The following XKR6 variants were observed in gnomAD, a reference collection of about 807,000 sequenced individuals.
XKR6 encodes XK-related protein 6.
Under a neutral mutation model 56.7 loss-of-function variants are expected in XKR6, and 22 were observed. That is an observed-to-expected ratio of 0.39 (90% CI 0.28 to 0.55). The LOEUF is 0.55. XKR6 is among the 20% of genes least tolerant of loss of function. XKR6 has a pLI of 0.66. For missense variants in XKR6, 852 were observed against 889.0 expected (o/e 0.96, Z 0.53); for synonymous variants, 524 against 387.8 (o/e 1.35, Z -4.13).
rs539457761 is a variant in XKR6, at chr8:11,009,383, TG to T, written c.765-84554del. Among the ~76,000 whole-genome samples the T allele has an allele frequency of 2.0e-3, 301 of 152,252 alleles. 1 individual carries two copies. The highest frequency in any genetic ancestry group is 6.6e-3 in the African/African-American group (273 of 41,562). On this transcript the variant is annotated intron_variant, in intron 1 of 2. Transcript: ENST00000416569. ...AAAATTAGTCAGACATGGTGGTGTG[TG>T]CCTGTAGTCCCAGCTACTTGGGAGG...
At chr8:11,049,936 AC>A (rs1799503417) in intron 1 of XKR6, among the ~76,000 whole-genome samples, 1 of 152,120 alleles carries the variant, frequency 6.6e-6, no homozygotes, top group African/African-American at 2.4e-5. Flanking sequence ...GCCTCAATTT[AC>A]CATTGCAAAA....
intron 1 of XKR6, among the ~76,000 whole-genome samples, chr8:10,951,299 G>GTGT (rs762396240): frequency 6.5e-4 from 77 of 117,580 alleles, no homozygotes; most frequent in African/African-American, 2.4e-3. Context: ...GTGTGTGTGT[G>GTGT]GGGGGGGGGG....
intron 1 of XKR6, among the ~76,000 whole-genome samples, chr8:11,175,831 C>G (rs189957302): frequency 2.0e-5 from 3 of 152,318 alleles, no homozygotes; most frequent in African/African-American, 7.2e-5. Context: ...CGTCCGTCAA[C>G]AGTCCCCAAG....
chr8:11,053,349 T>C (rs1221727047), intron 1 of XKR6, among the ~76,000 whole-genome samples: 1 of 152,170 alleles, frequency 6.6e-6, no homozygotes, highest in Non-Finnish European at 1.5e-5. Context: ...CCATCTCCCG[T>C]GAGCGGCCTG....
intron 1 of XKR6, among the ~76,000 whole-genome samples, chr8:11,171,357 G>A (rs1278426634): frequency 1.3e-5 from 2 of 152,236 alleles, no homozygotes; most frequent in African/African-American, 4.8e-5. Flanking sequence ...AATTACCAGA[G>A]ATTAAGAGTT....
At chr8:10,997,040 A>G (rs1432426833) in intron 1 of XKR6, among the ~76,000 whole-genome samples, 1 of 152,166 alleles carries the variant, frequency 6.6e-6, no homozygotes, top group Non-Finnish European at 1.5e-5. Flanking sequence ...ATCAACAAAC[A>G]CACACACATG....
At chr8:11,167,326 A>G (rs921299578) in intron 1 of XKR6, among the ~76,000 whole-genome samples, 26 of 152,218 alleles carry the variant, frequency 1.7e-4, no homozygotes, top group African/African-American at 6.0e-4. Flanking sequence ...ATGGCAGCCC[A>G]TATTCCAAGA....
intron 1 of XKR6, among the ~76,000 whole-genome samples, chr8:11,126,672 C>A (rs1799814665): frequency 6.6e-6 from 1 of 152,122 alleles, no homozygotes; most frequent in African/African-American, 2.4e-5. Flanking sequence ...CTCACAGGGT[C>A]AACAAAACAA....
At chr8:11,080,667 G>A (rs755405058) in intron 1 of XKR6, among the ~76,000 whole-genome samples, 1 of 152,232 alleles carries the variant, frequency 6.6e-6, no homozygotes, top group Non-Finnish European at 1.5e-5. Flanking sequence ...TCTCTGTTGA[G>A]CACTGGCTTA....
At chr8:11,104,564 G>A (rs1313485927) in intron 1 of XKR6, 1 of 151,870 alleles carries the variant, frequency 6.6e-6, no homozygotes, top group Non-Finnish European at 1.5e-5. Context: ...GGGCGCTTTT[G>A]TGCAGTTCTT....
chr8:11,173,577 C>T (rs1019648546), intron 1 of XKR6, among the ~76,000 whole-genome samples: 5 of 152,000 alleles, frequency 3.3e-5, no homozygotes, highest in African/African-American at 1.2e-4. Context: ...CTTGGGTTTC[C>T]ACATCTGTAA....
At chr8:11,125,962 T>A (rs955253965) in intron 1 of XKR6, 1 of 152,270 alleles carries the variant, frequency 6.6e-6, no homozygotes, top group Non-Finnish European at 1.5e-5. Flanking sequence ...CACAACAAAC[T>A]TGATGGAAAC....
intron 1 of XKR6, chr8:11,066,793 A>C (rs1275489269): frequency 6.6e-6 from 1 of 152,192 alleles, no homozygotes; most frequent in East Asian, 1.9e-4. Context: ...GGTCTTCAAA[A>C]ACCAGACCTT....
rs2117170439 is a variant in XKR6, at chr8:11,200,024, T to A, written c.764+552A>T. On this transcript the variant is annotated intron_variant, in intron 1 of 2. Transcript: ENST00000416569. This position sits in a 1 kb window ranked among gnomAD's most constrained non-coding sequence, Gnocchi z 6.4. ...CTGGGAAAGCAGTGGTTTGGAGTCATTCACAGGGGCTGGGAGTGCAGGAGG... is the reference window on the plus strand; with the variant it reads ...CTGGGAAAGCAGTGGTTTGGAGTCAATCACAGGGGCTGGGAGTGCAGGAGG... Among the ~76,000 whole-genome samples the A allele has an allele frequency of 6.6e-6, 1 of 151,782 alleles. No homozygotes were observed.
At chr8:10,966,687 T>A (rs545337282) in intron 1 of XKR6, among the ~76,000 whole-genome samples, 70 of 151,846 alleles carry the variant, frequency 4.6e-4, no homozygotes, top group African/African-American at 1.6e-3. Flanking sequence ...AATAAATAAA[T>A]AAATACATAA....
intron 1 of XKR6, among the ~76,000 whole-genome samples, chr8:10,953,097 G>T (rs1045360168): frequency 1.3e-5 from 2 of 152,194 alleles, no homozygotes; most frequent in Admixed American, 1.3e-4. Context: ...CTGCACTGTG[G>T]TGAGTTGTAT....
intron 1 of XKR6, among the ~76,000 whole-genome samples, chr8:11,116,995 C>T (rs745404935): frequency 3.3e-5 from 5 of 152,168 alleles, no homozygotes; most frequent in African/African-American, 7.2e-5. Flanking sequence ...AAACTCCATC[C>T]ACCACTTCAG....
intron 1 of XKR6, among the ~76,000 whole-genome samples, chr8:10,964,736 C>T (rs1324521619): frequency 1.3e-5 from 2 of 152,190 alleles, no homozygotes; most frequent in African/African-American, 4.8e-5. Flanking sequence ...GCAGGGGCCC[C>T]TCATCCCTTG....
chr8:11,125,554 C>T (rs980514268), intron 1 of XKR6, among the ~76,000 whole-genome samples: 1 of 152,152 alleles, frequency 6.6e-6, no homozygotes, highest in African/African-American at 2.4e-5. Context: ...AGTCCTGTCA[C>T]CACCCAGAGA....
Sources: gnomAD v4.1 joint callset for allele counts (sites outside exome capture counted in the v4.1 genomes callset) on GRCh38, gnomAD v4.1.1 for gene constraint, Gnocchi (gnomAD v3.1) non-coding constraint, MANE v1.5 for transcripts, NCBI Gene and HGNC (gene_info 2026-07-23, HGNC 2026-07-21) for gene names.